Variants in RNF217 observed in about 807,000 individuals in gnomAD.
The protein encoded by RNF217 is E3 ubiquitin-protein ligase RNF217.
In RNF217, 31 loss-of-function variants were observed where a neutral mutation model predicts 57.8. The observed-to-expected ratio is 0.54, with a 90% CI of 0.40 to 0.72. The LOEUF (loss-of-function observed/expected upper bound fraction) is 0.72, where lower values mean the gene tolerates loss of function less well. Ranked by LOEUF, RNF217 falls within the 30% of genes least tolerant of loss-of-function variation. The probability of loss-of-function intolerance (pLI) is 0.00; values close to 1 mark genes in which losing one functional copy is unlikely to be tolerated. For synonymous variants in RNF217, 313 were observed against 294.0 expected (o/e 1.06, Z -0.66); for missense variants, 696 against 708.3 (o/e 0.98, Z 0.20).
chr6:125,082,523 C>T, intron 5 of RNF217: 1 of 1,612,594 alleles, frequency 6.2e-7, no homozygotes, highest in South Asian at 1.1e-5. Context: ...GGCTCCACAG[C>T]CTGTGTTGTT....
At chr6:125,081,371 T>C in intron 4 of RNF217, 65 bp from the exon 5 acceptor site, 1 of 1,179,586 alleles carries the variant, frequency 8.5e-7, no homozygotes, top group Admixed American at 1.8e-5. Context: ...TTAAAAAGCA[T>C]CACTGTAATT....
chr6:125,018,599 A>G (rs575649916), intron 1 of RNF217, among the ~76,000 whole-genome samples: 18 of 152,330 alleles, frequency 1.2e-4, no homozygotes, highest in African/African-American at 4.3e-4. Flanking sequence ...AAAAGGATAG[A>G]TGGATAAACT....
At chr6:125,012,387 G>A (rs1214800273) in intron 1 of RNF217, among the ~76,000 whole-genome samples, 2 of 152,090 alleles carry the variant, frequency 1.3e-5, no homozygotes, top group Non-Finnish European at 2.9e-5. Flanking sequence ...AAGGTACTCC[G>A]TCATGTCTAC....
intron 1 of RNF217, among the ~76,000 whole-genome samples, chr6:124,998,596 A>G (rs1309156678): frequency 1.3e-5 from 2 of 152,160 alleles, no homozygotes; most frequent in African/African-American, 4.8e-5. Flanking sequence ...TCAGGAGATC[A>G]AGACCATCCT....
chr6:125,075,636 A>G (rs987090198), intron 3 of RNF217, among the ~76,000 whole-genome samples: 6 of 152,188 alleles, frequency 3.9e-5, no homozygotes, highest in Admixed American at 6.6e-5. Flanking sequence ...GTTACAATTC[A>G]AGGTGATATT....
Position 124,962,731 on chromosome 6 carries a change from G to T in RNF217, c.187G>T (p.Asp63Tyr). 4 of 1,561,536 alleles carry T rather than the reference G, an allele frequency of 2.6e-6. No individual in the cohort carries two copies. Among genetic ancestry groups the T allele is most frequent in the Non-Finnish European group, 3.4e-6 (4 of 1,163,990 alleles). The change falls in exon 1 of 6, where the codon GAC (aspartate) becomes TAC (tyrosine). Residue 63 changes from aspartate to tyrosine, a missense_variant. Around this residue, in one of 2 missense-constraint regions of RNF217, gnomAD observed 465 missense variants for 386.8 expected, o/e 1.20. Transcript: ENST00000521654. The surrounding 1 kb of genome is among the most constrained non-coding windows in gnomAD (Gnocchi z 4.6). The stretch of plus-strand genomic sequence containing the variant: ...CTGCGGAAGCGACTGGGGCTGCGCG[G>T]ACACCAGCGCCCCAGAGCCCGCGAG... ...GGCGSDWGCA[D>Y]TSAPEPARSL...
At chr6:125,059,000 A>G (rs927260487) in intron 3 of RNF217, among the ~76,000 whole-genome samples, 6 of 152,192 alleles carry the variant, frequency 3.9e-5, no homozygotes, top group African/African-American at 1.4e-4. Flanking sequence ...TGAAACTTGA[A>G]TTGCCAGAAA....
chr6:125,045,339 C>T lies in RNF217; in HGVS notation c.1011C>T (p.Gly337=), dbSNP rs1787055851. ...SIKYKYFLEL[G]RIDSSTKPCP... Reference sequence around the variant, plus strand: ...AGTATAAGTACTTCTTGGAACTTGGCCGTATTGATTCCAGCACCAAGCCAT... The same window carrying T: ...AGTATAAGTACTTCTTGGAACTTGGTCGTATTGATTCCAGCACCAAGCCAT... The change falls in exon 2 of 6, where the codon GGC becomes GGT. Residue 337 remains glycine, a synonymous_variant. Coordinates refer to ENST00000521654, the MANE Select transcript of RNF217 (RefSeq NM_001286398.3). 1 of 1,613,362 alleles carries T rather than the reference C, an allele frequency of 6.2e-7. No homozygotes were observed. Among genetic ancestry groups the T allele is most frequent in the Admixed American group, 1.7e-5 (1 of 59,882 alleles).
rs76849906 is a variant in RNF217 at position 124,975,107 on chromosome 6, A to G, written c.882+11681A>G. ...AAGATTCAAAAGCTAATTATAGGCT[A>G]CCTGGCAAATTGCTTCCCTTTTTGT... On this transcript the variant is annotated intron_variant, in intron 1 of 5. Transcript: ENST00000521654. Among the ~76,000 whole-genome samples, 1,228 of 152,318 alleles carry G rather than the reference A, an allele frequency of 8.1e-3. 24 individuals are homozygous for G. Among genetic ancestry groups the G allele is most frequent in the African/African-American group, 0.028 (1,182 of 41,560 alleles).
chr6:125,080,628 A>G (rs1415112593), intron 4 of RNF217, among the ~76,000 whole-genome samples: 2 of 151,930 alleles, frequency 1.3e-5, no homozygotes, highest in African/African-American at 2.4e-5. Context: ...AACAACATGT[A>G]TTTACTAACC....
intron 1 of RNF217, among the ~76,000 whole-genome samples, chr6:124,972,152 A>G (rs746221166): frequency 3.9e-5 from 6 of 152,074 alleles, no homozygotes; most frequent in Non-Finnish European, 8.8e-5. Context: ...CCCTGTTTCC[A>G]TTCATTGTAC....
chr6:125,074,254 C>G (rs1028531020), intron 3 of RNF217, among the ~76,000 whole-genome samples: 2 of 151,686 alleles, frequency 1.3e-5, no homozygotes, highest in African/African-American at 4.9e-5. Flanking sequence ...ATCACAGTCA[C>G]CAAGAAACTC....
chr6:125,081,073 C>T (rs1057478025), intron 4 of RNF217, among the ~76,000 whole-genome samples: 1 of 151,984 alleles, frequency 6.6e-6, no homozygotes, highest in African/African-American at 2.4e-5. Flanking sequence ...CAAAATGTGC[C>T]ACTTCTTTCT....
chr6:124,999,546 A>G (rs2114269551), intron 1 of RNF217, among the ~76,000 whole-genome samples: 1 of 152,124 alleles, frequency 6.6e-6, no homozygotes, highest in African/African-American at 2.4e-5. Flanking sequence ...CTTTAGGCTC[A>G]TAGACTGTAG....
At chr6:124,980,651 C>T (rs1320436898) in intron 1 of RNF217, among the ~76,000 whole-genome samples, 3 of 152,110 alleles carry the variant, frequency 2.0e-5, no homozygotes, top group Non-Finnish European at 4.4e-5. Context: ...CTTAACCATA[C>T]AATAGCTGTT....
intron 1 of RNF217, among the ~76,000 whole-genome samples, chr6:124,987,240 C>T (rs1257867641): frequency 1.3e-5 from 2 of 152,150 alleles, no homozygotes; most frequent in Non-Finnish European, 2.9e-5. Context: ...TTTCACATAT[C>T]GTATAGTTCA....
At chr6:124,985,869 T>C (rs1466109229) in intron 1 of RNF217, among the ~76,000 whole-genome samples, 2 of 152,220 alleles carry the variant, frequency 1.3e-5, no homozygotes, top group African/African-American at 2.4e-5. Context: ...AGGGGTGTTG[T>C]GAACATGGTT....
At chr6:124,996,251 T>A (rs1000227340) in intron 1 of RNF217, among the ~76,000 whole-genome samples, 1 of 152,170 alleles carries the variant, frequency 6.6e-6, no homozygotes, top group Non-Finnish European at 1.5e-5. Context: ...GTGTGTTCAT[T>A]ACCCTCATTT....
chr6:125,050,341 CTTGATAAT>C (rs1787262087), intron 2 of RNF217, among the ~76,000 whole-genome samples: 1 of 151,858 alleles, frequency 6.6e-6, no homozygotes, highest in Non-Finnish European at 1.5e-5. Context: ...TAAGCAGAAT[CTTGATAAT>C]TTATACAATG....
Sources: allele counts gnomAD v4.1 joint callset (sites outside exome capture counted in the v4.1 genomes callset), GRCh38; gene constraint gnomAD v4.1.1; regional missense constraint gnomAD v4.1.1; non-coding constraint Gnocchi (gnomAD v3.1); transcripts MANE v1.5; gene names NCBI Gene and HGNC (gene_info 2026-07-23, HGNC 2026-07-21).